Variants in RBM5 observed in about 807,000 individuals in gnomAD.
The protein encoded by RBM5 is RNA binding motif protein 5.
Under a neutral mutation model 124.6 loss-of-function variants are expected in RBM5, and 15 were observed. The ratio of observed to expected loss-of-function variants is 0.12; its 90% CI spans 0.08 to 0.19. The LOEUF (loss-of-function observed/expected upper bound fraction) is 0.19, where lower values mean the gene tolerates loss of function less well. Among genes scored for constraint, RBM5 ranks in the 10% least tolerant of loss-of-function variants. The pLI is 1.00. For synonymous variants in RBM5, 337 were observed against 361.2 expected (o/e 0.93, Z 0.76); for missense variants, 580 against 1,026.5 (o/e 0.57, Z 5.94).
chr3:50,104,258 A>T lies in RBM5; in HGVS notation c.578A>T (p.Asn193Ile), dbSNP rs1295621417. 6.2e-7 allele frequency: 1 copy of T among 1,614,084 alleles called. No individual in the cohort carries two copies. Among genetic ancestry groups the T allele is most frequent in the Non-Finnish European group, 8.5e-7 (1 of 1,179,950 alleles). ...EDWLCNKCCL[N>I]NFRKRLKCFR... ...AACTTTTTTTTTCAGTGCTGCCTTA[A>T]CAATTTCAGGAAAAGACTAAAATGC... Residue 193 changes from asparagine (N) to isoleucine (I), a missense_variant, in exon 8 of 25, where the codon AAC becomes ATC. Around this residue, in one of 6 missense-constraint regions of RBM5, gnomAD observed 101 missense variants for 223.2 expected, o/e 0.45. Coordinates refer to ENST00000347869, the MANE Select transcript of RBM5 (RefSeq NM_005778.4).
Position 50,104,277 on chromosome 3 carries a change from A to T in RBM5, c.597A>T (p.Leu199=), listed in dbSNP as rs768420721. Residue 199 remains leucine (L), a synonymous_variant, in exon 8 of 25, where the codon CTA becomes CTT. Transcript: ENST00000347869. ...KCCLNNFRKR[L]KCFRCGADKF... ...GCCTTAACAATTTCAGGAAAAGACT[A>T]AAATGCTTCCGATGTGGAGCAGACA... The T allele has an allele frequency of 6.2e-7, 1 of 1,614,106 alleles. No individual in the cohort carries two copies. The highest frequency in any genetic ancestry group is 1.7e-5 in the Admixed American group (1 of 60,022).
intron 11 of RBM5, 28 bp downstream of exon 11, chr3:50,106,892 A>C: frequency 6.6e-7 from 1 of 1,506,404 alleles, no homozygotes; most frequent in Non-Finnish European, 9.2e-7. Flanking sequence ...CCTTATTTCA[A>C]ACTACTGCAT....
In RBM5 at chr3:50,117,905, C is replaced by T. The variant is rs2091287448; in HGVS notation, c.2323-426C>T. 1 of 180,834 alleles carries T rather than the reference C, an allele frequency of 5.5e-6. No homozygotes were observed. The highest frequency in any genetic ancestry group is 1.2e-5 in the Non-Finnish European group (1 of 85,078). 11.2% of individuals were successfully genotyped at this position (180,834 alleles called of 1,614,324 possible). On this transcript the variant is annotated intron_variant, in intron 24 of 24. Coordinates refer to ENST00000347869, the MANE Select transcript of RBM5 (RefSeq NM_005778.4). This position sits in a 1 kb window ranked among gnomAD's most constrained non-coding sequence, Gnocchi z 4.2. ...CCACTGGCCTTCTAGGCAGGAGCTC[C>T]ACCCGTAATTGCCCCTGCTCTGTCC...
At chr3:50,090,908 C>G (rs957414417) in intron 2 of RBM5, among the ~76,000 whole-genome samples, 1 of 152,156 alleles carries the variant, frequency 6.6e-6, no homozygotes. Context: ...TGTTATTGTT[C>G]CCTGAATAGC....
chr3:50,118,779 T>C lies in RBM5; in HGVS notation c.*323T>C. On this transcript the variant is annotated 3_prime_UTR_variant, in exon 25 of 25. Coordinates refer to ENST00000347869, the MANE Select transcript of RBM5 (RefSeq NM_005778.4). ...GTGGTCCATCAGCCCCTCACATTCC[T>C]AGGGGTTTGAGATGCTGTAGGTGGT... is the stretch of plus-strand genomic sequence containing the variant. 1 of 266,698 alleles carries C rather than the reference T, an allele frequency of 3.7e-6. No homozygotes were observed. 16.5% of individuals were successfully genotyped at this position (266,698 alleles called of 1,614,324 possible). A position where few individuals can be genotyped will look rare whatever the true frequency, so the allele number is the denominator to read the frequency against.
At chr3:50,092,561 CAAAA>C (rs1156471002) in intron 3 of RBM5, among the ~76,000 whole-genome samples, 2 of 66,442 alleles carry the variant, frequency 3.0e-5, no homozygotes, top group Non-Finnish European at 3.2e-5. Flanking sequence ...GACTCCATCT[CAAAA>C]AAAAAAAAAA....
Position 50,116,066 on chromosome 3 carries a change from G to A in RBM5, c.2094+86G>A, listed in dbSNP as rs528128012. The A allele has an allele frequency of 1.4e-4, 181 of 1,311,826 alleles. No homozygotes were observed. The African/African-American group carries it at 2.5e-3, about 18-fold the overall frequency. 81.3% of individuals were successfully genotyped at this position (1,311,826 alleles called of 1,614,324 possible). Reference sequence around the variant, plus strand: ...TTGTAGCATTTAGTTCCAGATCCCAGGGGCAGGGTAGGAGGATTTGTCATA... The same window carrying A: ...TTGTAGCATTTAGTTCCAGATCCCAAGGGCAGGGTAGGAGGATTTGTCATA... On this transcript the variant is annotated intron_variant, in intron 22 of 24. Transcript: ENST00000347869.
chr3:50,112,055 C>CA (rs2091153573), intron 17 of RBM5: 1 of 145,578 alleles, frequency 6.9e-6, no homozygotes, highest in Admixed American at 6.9e-5. Flanking sequence ...ATTTCCCTGT[C>CA]AGTTCTTTTT....
At chr3:50,094,038 TATTTGCATTTACATAAGTTTAAAC>T (rs1358902315) in intron 4 of RBM5, 163 bp downstream of exon 4, 5 of 621,504 alleles carry the variant, frequency 8.0e-6, no homozygotes, top group African/African-American at 1.8e-5. Flanking sequence ...TTTTTTTTAA[TATTTGCATTTACATAAGTTTAAAC>T]ATTTGCATTT....
chr3:50,115,760 C>A, intron 21 of RBM5, 146 bp from the exon 22 acceptor site: 2 of 1,185,834 alleles, frequency 1.7e-6, no homozygotes, highest in Admixed American at 2.1e-5. Flanking sequence ...AGTCTGGCAG[C>A]TCCACACACA....
intron 17 of RBM5, among the ~76,000 whole-genome samples, chr3:50,111,496 C>T (rs745980481): frequency 1.3e-5 from 2 of 152,134 alleles, no homozygotes; most frequent in Non-Finnish European, 2.9e-5. Flanking sequence ...CCTGCCTCAG[C>T]CTGCTGAGTA....
chr3:50,092,772 G>C (rs956501980), intron 3 of RBM5: 2 of 451,384 alleles, frequency 4.4e-6, no homozygotes, highest in Non-Finnish European at 8.9e-6. Context: ...TTGTTGGCCA[G>C]GCACAGTGGC....
At chr3:50,113,840 TA>T in intron 18 of RBM5, 109 bp from the exon 19 acceptor site, 2 of 1,255,418 alleles carry the variant, frequency 1.6e-6, no homozygotes, top group Non-Finnish European at 2.2e-6. Context: ...GAAGTAAGAG[TA>T]AAAGGGGTTT....
chr3:50,112,299 C>T (rs1235341899), intron 17 of RBM5, among the ~76,000 whole-genome samples: 2 of 150,404 alleles, frequency 1.3e-5, no homozygotes, highest in African/African-American at 4.9e-5. Flanking sequence ...GCCTGTAGTC[C>T]CAGCTACTCG....
chr3:50,105,002 G>A, intron 8 of RBM5, 75 bp from the exon 9 acceptor site: 1 of 1,147,568 alleles, frequency 8.7e-7, no homozygotes, highest in Middle Eastern at 2.0e-4. Context: ...ATAAAAACTT[G>A]TGGGGATTTT....
At chr3:50,098,908 A>G (rs941166743) in intron 4 of RBM5, among the ~76,000 whole-genome samples, 2 of 152,140 alleles carry the variant, frequency 1.3e-5, no homozygotes, top group African/African-American at 4.8e-5. Context: ...AGATTAGACT[A>G]AAGGATGGAG....
chr3:50,100,730 A>G lies in RBM5; in HGVS notation c.483+125A>G, dbSNP rs964804458. The G allele has an allele frequency of 1.2e-5, 8 of 688,118 alleles. No homozygotes were observed. Among genetic ancestry groups the G allele is most frequent in the African/African-American group, 1.1e-4 (6 of 55,792 alleles). The allele number at this position is 688,118 out of a possible 1,614,324, so 42.6% of individuals were successfully genotyped here. A position where few individuals can be genotyped will look rare whatever the true frequency, so the allele number is the denominator to read the frequency against. On this transcript the variant is annotated intron_variant, in intron 6 of 24. Coordinates refer to ENST00000347869, the MANE Select transcript of RBM5 (RefSeq NM_005778.4). The surrounding 1 kb of genome is among the most constrained non-coding windows in gnomAD (Gnocchi z 5.1). ...TTTTTTTAAAAAAAAAGCTTTGTAT[A>G]TATTAAAATTGATGTTACTAGAATA...
At chr3:50,115,331 T>G in intron 20 of RBM5, 97 bp from the exon 21 acceptor site, 1 of 1,382,434 alleles carries the variant, frequency 7.2e-7, no homozygotes, top group South Asian at 1.3e-5. Context: ...TGGGGATTTG[T>G]TAACATTTCG....
rs529469481 is a variant in RBM5 at position 50,093,726 on chromosome 3, C to T, written c.190C>T (p.Arg64Cys). 5 of 1,612,158 alleles carry T rather than the reference C, an allele frequency of 3.1e-6. No individual in the cohort carries two copies. Among genetic ancestry groups the T allele is most frequent in the South Asian group, 2.2e-5 (2 of 91,024 alleles). The change falls in exon 4 of 25, where the codon CGT becomes TGT. Residue 64 changes from arginine (R) to cysteine (C), a missense_variant. Coordinates refer to ENST00000347869, the MANE Select transcript of RBM5 (RefSeq NM_005778.4). The part of the protein sequence containing the change: ...YRDYDSPERE[R>C]ERRNSDRSED... ...TTTGTTTATTGTAACTCAGAGAGAG[C>T]GTGAAAGAAGGAACAGTGACCGATC...
Sources: gnomAD v4.1 joint callset for allele counts (sites outside exome capture counted in the v4.1 genomes callset) on GRCh38, gnomAD v4.1.1 for gene constraint, gnomAD v4.1.1 regional missense constraint, Gnocchi (gnomAD v3.1) non-coding constraint, MANE v1.5 for transcripts, NCBI Gene and HGNC (gene_info 2026-07-23, HGNC 2026-07-21) for gene names.